The following TNIK variants were observed in gnomAD, a reference collection of about 807,000 sequenced individuals.
TNIK encodes the protein TRAF2 and NCK-interacting protein kinase.
A neutral mutation model predicts 191.3 loss-of-function variants in TNIK; 49 were observed. The ratio of observed to expected loss-of-function variants is 0.26; its 90% CI spans 0.20 to 0.32. The LOEUF (loss-of-function observed/expected upper bound fraction) is 0.32, where lower values mean the gene tolerates loss of function less well. Among genes scored for constraint, TNIK ranks in the 10% least tolerant of loss-of-function variants. TNIK has a pLI of 1.00. For synonymous variants in TNIK, 594 were observed against 600.9 expected, an observed-to-expected ratio of 0.99 and a Z score of 0.17; for missense variants, 1,155 against 1,702.3, an observed-to-expected ratio of 0.68 and a Z score of 5.66.
intron 30 of TNIK, 130 bp downstream of exon 30, chr3:171,068,718 G>A (rs1030254550): frequency 1.2e-6 from 1 of 864,362 alleles, no homozygotes; most frequent in East Asian, 3.1e-5. Context: ...TATACTTAAT[G>A]AAGAACGAAA....
intron 22 of TNIK, among the ~76,000 whole-genome samples, chr3:171,099,285 C>A (rs912878105): frequency 1.3e-5 from 2 of 152,112 alleles, no homozygotes; most frequent in Non-Finnish European, 2.9e-5. Context: ...CTCCCCTCCA[C>A]CGTATACACC....
intron 2 of TNIK, among the ~76,000 whole-genome samples, chr3:171,240,842 C>A (rs756662077): frequency 3.3e-5 from 5 of 152,080 alleles, no homozygotes; most frequent in African/African-American, 1.2e-4. Flanking sequence ...TCATGAGTAT[C>A]GGGCATTTCC....
chr3:171,291,871 G>A (rs13089148), intron 2 of TNIK, among the ~76,000 whole-genome samples: 7,167 of 152,052 alleles, frequency 0.047, 244 homozygotes, highest in African/African-American at 0.1. Context: ...CACATACTAG[G>A]CTTTCATTCT....
chr3:171,109,960 A>G (rs1057098733), intron 19 of TNIK, among the ~76,000 whole-genome samples: 1 of 151,932 alleles, frequency 6.6e-6, no homozygotes, highest in Admixed American at 6.6e-5. Flanking sequence ...GCTGGAGTAC[A>G]ATGGCGTGAT....
chr3:171,142,312 A>T (rs1048127576), intron 12 of TNIK, among the ~76,000 whole-genome samples: 2 of 152,226 alleles, frequency 1.3e-5, no homozygotes, highest in African/African-American at 4.8e-5. Context: ...CTGTGGATCT[A>T]GGTATAAAAT....
At chr3:171,319,532 G>A (rs1011330006) in intron 2 of TNIK, among the ~76,000 whole-genome samples, 46 of 152,254 alleles carry the variant, frequency 3.0e-4, no homozygotes, top group African/African-American at 1.1e-3. Flanking sequence ...GAGTTTCAGA[G>A]CAACATATTC....
rs1426832096 is a variant in TNIK, at chr3:171,063,175, G to T, written c.*706C>A. 6.6e-6 allele frequency: 1 copy of T among 152,112 alleles called. No homozygotes were observed. The highest frequency in any genetic ancestry group is 6.5e-5 in the Admixed American group (1 of 15,280). 9.4% of individuals were successfully genotyped at this position (152,112 alleles called of 1,614,324 possible). A position where few individuals can be genotyped will look rare whatever the true frequency, so the allele number is the denominator to read the frequency against. Reference sequence around the variant, plus strand: ...TGTGGCCTGTCAGATTCACAAAAGTGGTAGTTGATTTTATTAGACTAGTAG... The same window carrying T: ...TGTGGCCTGTCAGATTCACAAAAGTTGTAGTTGATTTTATTAGACTAGTAG... On this transcript the variant is annotated 3_prime_UTR_variant, in exon 33 of 33. Coordinates refer to ENST00000436636, the MANE Select transcript of TNIK (RefSeq NM_015028.4).
At chr3:171,087,549 A>G in intron 23 of TNIK, 43 bp from the exon 24 acceptor site, 1 of 1,601,066 alleles carries the variant, frequency 6.2e-7, no homozygotes, top group Non-Finnish European at 8.5e-7. Context: ...GAGGGGGGAA[A>G]AAGGCCACAG....
At chr3:171,423,991 A>T (rs1428413894) in intron 1 of TNIK, among the ~76,000 whole-genome samples, 2 of 152,200 alleles carry the variant, frequency 1.3e-5, no homozygotes, top group Admixed American at 1.3e-4. Flanking sequence ...ATGGGATCTA[A>T]TTAAACTAAA....
intron 2 of TNIK, among the ~76,000 whole-genome samples, chr3:171,270,399 T>G (rs1379614814): frequency 2.0e-5 from 3 of 152,160 alleles, no homozygotes; most frequent in Non-Finnish European, 4.4e-5. Flanking sequence ...AGAGATGGAA[T>G]GTATGTGGAG....
chr3:171,342,943 C>T (rs982094651), intron 2 of TNIK, among the ~76,000 whole-genome samples: 1 of 152,192 alleles, frequency 6.6e-6, no homozygotes, highest in African/African-American at 2.4e-5. Context: ...GACAGTTCCC[C>T]TGCACCTGCT....
In TNIK at chr3:171,159,375, G is replaced by C. The variant is rs1033009873; in HGVS notation, c.1017-1711C>G. Among the ~76,000 whole-genome samples the C allele has an allele frequency of 4.1e-5, 6 of 145,680 alleles. No individual in the cohort carries two copies. Among genetic ancestry groups the C allele is most frequent in the African/African-American group, 1.5e-4 (6 of 40,436 alleles). ...GAGCAAGTTTCGTGGCAGTTAACAA[G>C]AGGACCAAGGATCGGTTTTGGAGAG... On this transcript the variant is annotated intron_variant, in intron 11 of 32. Coordinates refer to ENST00000436636, the MANE Select transcript of TNIK (RefSeq NM_015028.4). The surrounding 1 kb of genome is among the most constrained non-coding windows in gnomAD (Gnocchi z 4.1).
At chr3:171,389,512 G>A (rs1719182855) in intron 1 of TNIK, among the ~76,000 whole-genome samples, 1 of 152,156 alleles carries the variant, frequency 6.6e-6, no homozygotes, top group Non-Finnish European at 1.5e-5. Flanking sequence ...AACATTTGTA[G>A]AGCACTTGCT....
chr3:171,209,024 GA>G (rs149183947), intron 4 of TNIK, among the ~76,000 whole-genome samples: 1,611 of 150,712 alleles, frequency 0.011, 35 homozygotes, highest in African/African-American at 0.038. Flanking sequence ...TCCTGCCTGT[GA>G]AAATAGGGAG....
chr3:171,406,585 A>T (rs537127067), intron 1 of TNIK, among the ~76,000 whole-genome samples: 2 of 152,216 alleles, frequency 1.3e-5, no homozygotes, highest in South Asian at 2.1e-4. Context: ...ATGCACTACC[A>T]CACCAGTTAT....
At chr3:171,212,794 G>A (rs975562780) in intron 3 of TNIK, among the ~76,000 whole-genome samples, 2 of 152,178 alleles carry the variant, frequency 1.3e-5, no homozygotes, top group African/African-American at 4.8e-5. Context: ...CATTAGTGAT[G>A]TTAGAAGGAA....
intron 2 of TNIK, among the ~76,000 whole-genome samples, chr3:171,249,748 A>G (rs766764279): frequency 6.6e-6 from 1 of 152,146 alleles, no homozygotes; most frequent in Non-Finnish European, 1.5e-5. Context: ...CAGTTATTCC[A>G]TAGCTATTTA....
intron 2 of TNIK, among the ~76,000 whole-genome samples, chr3:171,302,789 C>T (rs1036209347): frequency 6.6e-6 from 1 of 151,702 alleles, no homozygotes; most frequent in African/African-American, 2.4e-5. Context: ...AACCTTCTAC[C>T]CTCTCTCATT....
At chr3:171,453,377 G>T (rs1214216759) in intron 1 of TNIK, among the ~76,000 whole-genome samples, 1 of 152,118 alleles carries the variant, frequency 6.6e-6, no homozygotes, top group South Asian at 2.1e-4. Context: ...AATGTTCAGC[G>T]TTGGGGCAGT....
Sources: gnomAD v4.1 joint callset for allele counts (sites outside exome capture counted in the v4.1 genomes callset) on GRCh38, gnomAD v4.1.1 for gene constraint, Gnocchi (gnomAD v3.1) non-coding constraint, MANE v1.5 for transcripts, NCBI Gene and HGNC (gene_info 2026-07-23, HGNC 2026-07-21) for gene names.